The following SAMD3 variants were observed in gnomAD, a reference collection of about 807,000 sequenced individuals.
SAMD3 encodes sterile alpha motif domain containing 3, also known as sterile alpha motif domain-containing protein 3.
SAMD3 carries 63 observed loss-of-function variants against 58.5 expected under a neutral mutation model. That is an observed-to-expected ratio of 1.08 (90% CI 0.88 to 1.33). SAMD3 has a LOEUF of 1.33. SAMD3 is among the 40% of genes most tolerant of loss of function. The pLI is 0.00. For synonymous variants in SAMD3, 220 were observed against 210.3 expected (o/e 1.05, Z -0.40); for missense variants, 604 against 608.4 (o/e 0.99, Z 0.08).
In SAMD3 at chr6:130,155,129, C is replaced by T. The variant is rs1297004424; in HGVS notation, c.823-104G>A. 3 of 782,044 alleles carry T rather than the reference C, an allele frequency of 3.8e-6. No homozygotes were observed. In the African/African-American group the frequency reaches 5.2e-5, roughly 14 times the overall value. The allele number at this position is 782,044 out of a possible 1,614,324, so 48.4% of individuals were successfully genotyped here. On this transcript the variant is annotated intron_variant, in intron 8 of 11. Coordinates refer to ENST00000439090, the MANE Select transcript of SAMD3 (RefSeq NM_001017373.4). ...TAACTCATTCCTAAGGTGAGTATCA[C>T]CATACCTGGTTACACTTGACATTGA...
chr6:130,158,269 T>G (rs1213107265), intron 8 of SAMD3, among the ~76,000 whole-genome samples: 1 of 152,116 alleles, frequency 6.6e-6, no homozygotes, highest in Non-Finnish European at 1.5e-5. Context: ...AAGGCATTCT[T>G]AAAGAATAAT....
chr6:130,246,423 A>C (rs1412205183), intron 2 of SAMD3, among the ~76,000 whole-genome samples: 1 of 152,224 alleles, frequency 6.6e-6, no homozygotes, highest in African/African-American at 2.4e-5. Context: ...TAACTTGACT[A>C]TACATGACTA....
intron 2 of SAMD3, among the ~76,000 whole-genome samples, chr6:130,235,904 C>T (rs2114886112): frequency 6.6e-6 from 1 of 152,210 alleles, no homozygotes; most frequent in African/African-American, 2.4e-5. Context: ...TGTGGTAGCA[C>T]TATTGTTATG....
intron 2 of SAMD3, among the ~76,000 whole-genome samples, chr6:130,287,667 C>T (rs1487542480): frequency 6.6e-6 from 1 of 151,842 alleles, no homozygotes; most frequent in African/African-American, 2.4e-5. Flanking sequence ...CAGGTGTGGC[C>T]GGGCGCAGTG....
At chr6:130,253,975 G>A (rs915893469) in intron 2 of SAMD3, among the ~76,000 whole-genome samples, 24 of 151,940 alleles carry the variant, frequency 1.6e-4, no homozygotes, top group African/African-American at 5.3e-4. Flanking sequence ...AAATGTCCCA[G>A]TAAGCATTTT....
chr6:130,189,162 G>A (rs552863795), intron 5 of SAMD3, among the ~76,000 whole-genome samples: 1 of 150,416 alleles, frequency 6.6e-6, no homozygotes, highest in Non-Finnish European at 1.5e-5. Context: ...GAACTGAATT[G>A]TGTTCCTTTC....
intron 1 of SAMD3, among the ~76,000 whole-genome samples, chr6:130,346,042 G>A (rs1777438781): frequency 6.6e-6 from 1 of 152,236 alleles, no homozygotes; most frequent in East Asian, 1.9e-4. Flanking sequence ...TGCAGCCATG[G>A]AAGTTTTCAG....
At chr6:130,181,990 A>T (rs540013445) in intron 7 of SAMD3, among the ~76,000 whole-genome samples, 1 of 150,622 alleles carries the variant, frequency 6.6e-6, no homozygotes, top group African/African-American at 2.4e-5. Context: ...GCGTGAACCC[A>T]TGAGGCGGAG....
rs80008125 is a variant in SAMD3, at chr6:130,268,491, A to T, written c.-188+44487T>A. Among the ~76,000 whole-genome samples the T allele has an allele frequency of 3.9e-5, 6 of 152,178 alleles. No individual in the cohort carries two copies. The East Asian group carries it at 1.2e-3, about 29-fold the overall frequency. On this transcript the variant is annotated intron_variant, in intron 2 of 13. Transcript: ENST00000368134. Reference sequence around the variant, plus strand: ...GTACAATAATGCCCTAGGCCTTCATATTCACTCACCACTCACTCACCCACT... The same window carrying T: ...GTACAATAATGCCCTAGGCCTTCATTTTCACTCACCACTCACTCACCCACT...
At chr6:130,281,698 C>T (rs1050892157) in intron 2 of SAMD3, among the ~76,000 whole-genome samples, 6 of 152,054 alleles carry the variant, frequency 3.9e-5, no homozygotes, top group South Asian at 2.1e-4. Flanking sequence ...GCAGGAGGAT[C>T]GCCTGAGGTC....
At chr6:130,238,325 G>A (rs947999629) in intron 2 of SAMD3, among the ~76,000 whole-genome samples, 6 of 152,142 alleles carry the variant, frequency 3.9e-5, no homozygotes, top group African/African-American at 7.2e-5. Context: ...AAGATAGCAA[G>A]TGGATTATTT....
chr6:130,270,454 G>T (rs1774519216), intron 2 of SAMD3, among the ~76,000 whole-genome samples: 1 of 152,184 alleles, frequency 6.6e-6, no homozygotes, highest in Non-Finnish European at 1.5e-5. Flanking sequence ...TCCATATCTT[G>T]TGATGTTTTC....
intron 2 of SAMD3, among the ~76,000 whole-genome samples, chr6:130,292,622 T>C (rs10457549): frequency 0.28 from 41,864 of 149,560 alleles, 6,232 homozygotes; most frequent in East Asian, 0.44. Flanking sequence ...GTTTGTTTTG[T>C]TTTGTTTTGT....
intron 1 of SAMD3, among the ~76,000 whole-genome samples, chr6:130,343,387 G>T (rs1172759853): frequency 1.3e-5 from 2 of 152,122 alleles, no homozygotes; most frequent in South Asian, 2.1e-4. Flanking sequence ...ATGCATGGGT[G>T]AGAAATATTT....
intron 2 of SAMD3, among the ~76,000 whole-genome samples, chr6:130,301,198 T>G (rs1775736068): frequency 6.6e-6 from 1 of 152,208 alleles, no homozygotes; most frequent in African/African-American, 2.4e-5. Context: ...ATGTGCCACA[T>G]TTTCTTAATC....
At chr6:130,336,762 A>G (rs1204201557) in intron 1 of SAMD3, among the ~76,000 whole-genome samples, 1 of 152,176 alleles carries the variant, frequency 6.6e-6, no homozygotes. Context: ...CCTATGCCAA[A>G]ATCTGAAGGT....
chr6:130,149,886 G>GC (rs2114559830), intron 9 of SAMD3, among the ~76,000 whole-genome samples: 2 of 152,138 alleles, frequency 1.3e-5, no homozygotes, highest in Non-Finnish European at 2.9e-5. Flanking sequence ...CAAAAAGAAA[G>GC]CCCCCCTTTT....
At chr6:130,193,439 T>A (rs186084381) in intron 5 of SAMD3, among the ~76,000 whole-genome samples, 131 of 151,960 alleles carry the variant, frequency 8.6e-4, no homozygotes, top group African/African-American at 3.1e-3. Context: ...TGATCCCTTA[T>A]TTCCACGCCC....
At chr6:130,365,676 G>A (rs1778117930), upstream of SAMD3, 2 of 985,390 alleles carry the variant, frequency 2.0e-6, no homozygotes, top group African/African-American at 1.7e-5. Flanking sequence ...GGGTGTGTCC[G>A]TTTCCGCACG....
Sources: allele counts gnomAD v4.1 joint callset (sites outside exome capture counted in the v4.1 genomes callset), GRCh38; gene constraint gnomAD v4.1.1; transcripts MANE v1.5; gene names NCBI Gene and HGNC (gene_info 2026-07-23, HGNC 2026-07-21).